MAF: variants seen among roughly 807,000 people sequenced by gnomAD.
The protein encoded by MAF is transcription factor Maf.
MAF carries 10 observed loss-of-function variants against 22.0 expected under a neutral mutation model. The ratio of observed to expected loss-of-function variants is 0.45; its 90% CI spans 0.28 to 0.77. The LOEUF (loss-of-function observed/expected upper bound fraction) is 0.77, where lower values mean the gene tolerates loss of function less well. MAF is among the 30% of genes least tolerant of loss of function. The pLI, the probability that MAF is intolerant of heterozygous loss-of-function variation, is 0.12. For synonymous variants in MAF, 337 were observed against 255.8 expected (o/e 1.32, Z -3.03); for missense variants, 544 against 548.4 (o/e 0.99, Z 0.08).
At chr16:79,474,166 T>C in the MAF span, among the ~76,000 whole-genome samples, 10 of 152,178 alleles carry the variant, frequency 6.6e-5, no homozygotes, top group Non-Finnish European at 1.3e-4. Context: ...GAATTATTTG[T>C]GGTCTTTAAA....
the MAF span, among the ~76,000 whole-genome samples, chr16:79,378,630 G>C: frequency 2.0e-5 from 3 of 152,226 alleles, no homozygotes; most frequent in East Asian, 5.8e-4. Context: ...CCCATAATCT[G>C]ACCATTTAGA....
At chr16:79,543,540 G>T in the MAF span, among the ~76,000 whole-genome samples, 1 of 152,192 alleles carries the variant, frequency 6.6e-6, no homozygotes, top group Non-Finnish European at 1.5e-5. Flanking sequence ...CAGGACAGAC[G>T]CGCTCAGTCA....
the MAF span, among the ~76,000 whole-genome samples, chr16:79,533,936 C>T: frequency 1.3e-5 from 2 of 152,124 alleles, no homozygotes; most frequent in Non-Finnish European, 2.9e-5. Flanking sequence ...CCAGAGACAA[C>T]AGAGGGCAAG....
chr16:79,234,185 TG>T, the MAF span, among the ~76,000 whole-genome samples: 1 of 151,994 alleles, frequency 6.6e-6, no homozygotes, highest in South Asian at 2.1e-4. Context: ...GCACACACAG[TG>T]GTTTTTTTTG....
downstream of MAF, among the ~76,000 whole-genome samples, chr16:79,593,448 C>G (rs995233676): frequency 1.8e-4 from 27 of 152,096 alleles, no homozygotes; most frequent in Non-Finnish European, 3.5e-4. Flanking sequence ...GGTTCTACTT[C>G]AGAACAGAAG....
chr16:79,342,949 G>A, the MAF span, among the ~76,000 whole-genome samples: 3 of 152,100 alleles, frequency 2.0e-5, 1 homozygote, highest in Admixed American at 2.0e-4. Flanking sequence ...TTGAAAAAAG[G>A]AAGATGTGCA....
chr16:79,339,275 G>C, the MAF span, among the ~76,000 whole-genome samples: 1 of 152,016 alleles, frequency 6.6e-6, no homozygotes, highest in Non-Finnish European at 1.5e-5. Context: ...GTTTCACCGT[G>C]GTCTCGATCT....
the MAF span, among the ~76,000 whole-genome samples, chr16:79,327,164 A>G: frequency 6.6e-6 from 1 of 152,214 alleles, no homozygotes; most frequent in South Asian, 2.1e-4. Flanking sequence ...AAAGGTTTTT[A>G]AAAGCCTGCT....
chr16:79,534,141 C>A, the MAF span, among the ~76,000 whole-genome samples: 1 of 152,226 alleles, frequency 6.6e-6, no homozygotes, highest in African/African-American at 2.4e-5. Context: ...TTCAGAAGTA[C>A]AGCTTGTGAA....
At chr16:79,267,561 C>T in the MAF span, among the ~76,000 whole-genome samples, 1 of 152,194 alleles carries the variant, frequency 6.6e-6, no homozygotes. Context: ...GGCAGAATGG[C>T]TCACGGCCAA....
At chr16:79,507,839 G>A in the MAF span, among the ~76,000 whole-genome samples, 1 of 152,188 alleles carries the variant, frequency 6.6e-6, no homozygotes, top group African/African-American at 2.4e-5. Flanking sequence ...GTACTCATAA[G>A]CATTTTCTTC....
At chr16:79,296,267 G>C in the MAF span, among the ~76,000 whole-genome samples, 1 of 152,158 alleles carries the variant, frequency 6.6e-6, no homozygotes, top group East Asian at 1.9e-4. Flanking sequence ...AAGCTTAAAA[G>C]ACCTATACAG....
At chr16:79,353,401 T>C in the MAF span, among the ~76,000 whole-genome samples, 9,105 of 152,230 alleles carry the variant, frequency 0.06, 527 homozygotes, top group East Asian at 0.19. Flanking sequence ...AGTGCTGGGA[T>C]TACAGGCTTG....
At chr16:79,595,838 T>C in intron 1 of MAF, 19 of 1,058,352 alleles carry the variant, frequency 1.8e-5, no homozygotes, top group Non-Finnish European at 2.2e-5. Flanking sequence ...GATAACATAG[T>C]TTAAACCAGA....
chr16:79,231,239 G>A, the MAF span, among the ~76,000 whole-genome samples: 1 of 151,984 alleles, frequency 6.6e-6, no homozygotes, highest in Non-Finnish European at 1.5e-5. Context: ...GTGCTCAAAG[G>A]CCAGACTTGA....
chr16:79,385,503 C>T, the MAF span, among the ~76,000 whole-genome samples: 4 of 152,210 alleles, frequency 2.6e-5, no homozygotes, highest in African/African-American at 9.6e-5. Context: ...TCGAAACCTT[C>T]CCTTTTAACG....
chr16:79,529,961 C>CAA, the MAF span, among the ~76,000 whole-genome samples: 966 of 145,224 alleles, frequency 6.7e-3, 12 homozygotes, highest in African/African-American at 0.023. Flanking sequence ...AACTCCATCT[C>CAA]AAAAAAAAAA....
At chr16:79,394,434 A>C in the MAF span, among the ~76,000 whole-genome samples, 1 of 152,180 alleles carries the variant, frequency 6.6e-6, no homozygotes, top group Admixed American at 6.5e-5. Flanking sequence ...TGGGCCTCCC[A>C]GGAAGTCAGC....
the MAF span, among the ~76,000 whole-genome samples, chr16:79,243,175 G>C: frequency 1.3e-5 from 2 of 151,840 alleles, no homozygotes; most frequent in Non-Finnish European, 2.9e-5. Flanking sequence ...TAAAAAGCTA[G>C]CAGAAAACAA....
Sources: gnomAD v4.1 joint callset for allele counts (sites outside exome capture counted in the v4.1 genomes callset) on GRCh38, gnomAD v4.1.1 for gene constraint, MANE v1.5 for transcripts, NCBI Gene and HGNC (gene_info 2026-07-23, HGNC 2026-07-21) for gene names.